Variants in FGD4 observed in about 807,000 individuals in gnomAD.
FGD4 encodes the protein FYVE, RhoGEF and PH domain-containing protein 4.
Under a neutral mutation model 102.0 loss-of-function variants are expected in FGD4, and 42 were observed. That is an observed-to-expected ratio of 0.41 (90% CI 0.32 to 0.53). The LOEUF (loss-of-function observed/expected upper bound fraction) is 0.53, where lower values mean the gene tolerates loss of function less well. Ranked by LOEUF, FGD4 falls within the 20% of genes least tolerant of loss-of-function variation. The pLI, the probability that FGD4 is intolerant of heterozygous loss-of-function variation, is 0.21. For synonymous variants in FGD4, 380 were observed against 375.7 expected (o/e 1.01, Z -0.13); for missense variants, 902 against 1,078.2 (o/e 0.84, Z 2.29).
chr12:32,474,222 C>T (rs917631890), intron 1 of FGD4, among the ~76,000 whole-genome samples: 1 of 152,100 alleles, frequency 6.6e-6, no homozygotes, highest in Non-Finnish European at 1.5e-5. Context: ...CATAGAGTTG[C>T]CATATGACCC....
intron 14 of FGD4, among the ~76,000 whole-genome samples, chr12:32,631,557 T>C (rs1380798719): frequency 7.0e-6 from 1 of 142,926 alleles, no homozygotes; most frequent in Non-Finnish European, 1.5e-5. Context: ...CGGGCTGGAG[T>C]GCACTGGCGC....
chr12:32,462,019 CT>C (rs1324747197), intron 1 of FGD4, among the ~76,000 whole-genome samples: 1 of 152,196 alleles, frequency 6.6e-6, no homozygotes, highest in Admixed American at 6.5e-5. Context: ...GCCACCGCGC[CT>C]GGCTTTTGTA....
chr12:32,627,153 A>AT (rs1474757788), intron 14 of FGD4, among the ~76,000 whole-genome samples: 6 of 117,748 alleles, frequency 5.1e-5, no homozygotes, highest in African/African-American at 2.0e-4. Flanking sequence ...GGCTAAATAC[A>AT]TTTTTTTTCT....
chr12:32,428,495 C>T (rs1043022683), intron 1 of FGD4, among the ~76,000 whole-genome samples: 2 of 152,038 alleles, frequency 1.3e-5, no homozygotes, highest in Non-Finnish European at 2.9e-5. Context: ...CTGCCCTTAA[C>T]ATTTTTTCCC....
At chr12:32,442,348 C>G (rs1024505430) in intron 1 of FGD4, among the ~76,000 whole-genome samples, 40 of 152,078 alleles carry the variant, frequency 2.6e-4, no homozygotes, top group Non-Finnish European at 8.8e-5. Context: ...CCACTGCGCC[C>G]GGCCAGGACT....
intron 2 of FGD4, among the ~76,000 whole-genome samples, chr12:32,573,199 C>T (rs1335457835): frequency 6.6e-6 from 1 of 152,126 alleles, no homozygotes; most frequent in African/African-American, 2.4e-5. Context: ...GGGTTCACGC[C>T]ATTCTCCTGC....
Position 32,643,400 on chromosome 12 carries a change from G to A in FGD4, c.*2867G>A, listed in dbSNP as rs1291897779. ...CTTTCTAGATGTGATACGGTAATTC[G>A]AATTGCAGAGTATAAGGAAGGGAAA... On this transcript the variant is annotated 3_prime_UTR_variant, in exon 17 of 17. Transcript: ENST00000534526. The A allele has an allele frequency of 6.6e-6, 1 of 152,342 alleles. No homozygotes were observed. Among genetic ancestry groups the A allele is most frequent in the Non-Finnish European group, 1.5e-5 (1 of 67,916 alleles). The allele number at this position is 152,342 out of a possible 1,614,324, so 9.4% of individuals were successfully genotyped here. A position where few individuals can be genotyped will look rare whatever the true frequency, so the allele number is the denominator to read the frequency against.
At chr12:32,558,886 C>T (rs1409747293) in intron 1 of FGD4, among the ~76,000 whole-genome samples, 1 of 152,158 alleles carries the variant, frequency 6.6e-6, no homozygotes, top group Non-Finnish European at 1.5e-5. Flanking sequence ...GGTCAGAGTA[C>T]AAAATGGGTT....
intron 1 of FGD4, among the ~76,000 whole-genome samples, chr12:32,420,592 G>GT (rs1267330631): frequency 4.6e-5 from 7 of 152,190 alleles, no homozygotes. Context: ...TGACACTCAA[G>GT]TGACGGTTGT....
chr12:32,412,273 T>C (rs1486242851), intron 1 of FGD4, among the ~76,000 whole-genome samples: 2 of 152,238 alleles, frequency 1.3e-5, no homozygotes, highest in East Asian at 3.8e-4. Flanking sequence ...GGTTACATTC[T>C]TGGTCATCTT....
In FGD4 at chr12:32,601,440, GA is replaced by G. The variant is rs752133261; in HGVS notation, c.1247+21del. On this transcript the variant is annotated intron_variant, in intron 6 of 16. Transcript: ENST00000534526. ...GCAAGAATGGTAAGAGGAGTAGATAGAAAATGATATGTTTAAGGCAGTCATG... is the reference window on the plus strand; with the variant it reads ...GCAAGAATGGTAAGAGGAGTAGATAGAAATGATATGTTTAAGGCAGTCATG... 6 of 1,609,118 alleles carry G rather than the reference GA, an allele frequency of 3.7e-6. No individual in the cohort carries two copies. The highest frequency in any genetic ancestry group is 5.1e-6 in the Non-Finnish European group (6 of 1,177,096).
intron 1 of FGD4, among the ~76,000 whole-genome samples, chr12:32,545,856 C>T (rs1943188316): frequency 6.6e-6 from 1 of 152,178 alleles, no homozygotes; most frequent in African/African-American, 2.4e-5. Flanking sequence ...CATATTCCAG[C>T]TTTGGAGAGG....
At chr12:32,474,462 T>G (rs1056887041) in intron 1 of FGD4, among the ~76,000 whole-genome samples, 2 of 152,190 alleles carry the variant, frequency 1.3e-5, no homozygotes, top group African/African-American at 4.8e-5. Flanking sequence ...ATCTTAAAAA[T>G]GTACTAAGTG....
rs776285546 is a variant in FGD4, at chr12:32,619,889, T to A, written c.1922+19T>A. 1.2e-6 allele frequency: 2 copies of A among 1,613,724 alleles called. No homozygotes were observed. Among genetic ancestry groups the A allele is most frequent in the East Asian group, 4.5e-5 (2 of 44,862 alleles). ...AGGCCAGGTAAGGGAACCATTTCTATCACACTGCTTTCCAAAATCAGGCAA... is the reference window on the plus strand; with the variant it reads ...AGGCCAGGTAAGGGAACCATTTCTAACACACTGCTTTCCAAAATCAGGCAA... On this transcript the variant is annotated intron_variant, in intron 11 of 16. Coordinates refer to ENST00000534526, the MANE Select transcript of FGD4 (RefSeq NM_001370298.3).
At position 32,584,596 on chromosome 12, in the gene FGD4, C is replaced by G. The variant is rs1046794833; in HGVS notation, c.1011+2129C>G. On this transcript the variant is annotated intron_variant, in intron 4 of 16. Coordinates refer to ENST00000534526, the MANE Select transcript of FGD4 (RefSeq NM_001370298.3). ...CCTATCTTCATGTTGTAACCCCCCC[C>G]TCCCAAAAAAAAAGAAAAATCTTAA... Among the ~76,000 whole-genome samples, 4 of 149,246 alleles carry G rather than the reference C, an allele frequency of 2.7e-5. No homozygotes were observed. In the South Asian group the frequency reaches 8.3e-4, roughly 31 times the overall value.
intron 1 of FGD4, among the ~76,000 whole-genome samples, chr12:32,459,405 G>T (rs1943038299): frequency 6.6e-6 from 1 of 151,912 alleles, no homozygotes; most frequent in Admixed American, 6.6e-5. Flanking sequence ...TGTTGGCCAG[G>T]CTGGTCTCTA....
intron 1 of FGD4, among the ~76,000 whole-genome samples, chr12:32,492,320 C>A (rs1316787137): frequency 7.2e-6 from 1 of 139,038 alleles, no homozygotes; most frequent in Non-Finnish European, 1.6e-5. Context: ...ACCCCAACTA[C>A]CTGGCATGAT....
intron 1 of FGD4, among the ~76,000 whole-genome samples, chr12:32,473,758 G>A (rs1943503874): frequency 6.6e-6 from 1 of 152,158 alleles, no homozygotes; most frequent in Non-Finnish European, 1.5e-5. Context: ...GGCAGGGACA[G>A]GAAAATTACA....
At chr12:32,591,515 C>T (rs1947473416) in intron 4 of FGD4, among the ~76,000 whole-genome samples, 1 of 152,198 alleles carries the variant, frequency 6.6e-6, no homozygotes, top group Non-Finnish European at 1.5e-5. Context: ...GCATTTACAA[C>T]ATTCTTCCCA....
Sources: allele counts gnomAD v4.1 joint callset (sites outside exome capture counted in the v4.1 genomes callset), GRCh38; gene constraint gnomAD v4.1.1; transcripts MANE v1.5; gene names NCBI Gene and HGNC (gene_info 2026-07-23, HGNC 2026-07-21).